The following CDH4 variants were observed in gnomAD, a reference collection of about 807,000 sequenced individuals.
CDH4 encodes cadherin 4, also known as cadherin-4.
Under a neutral mutation model 86.0 loss-of-function variants are expected in CDH4, and 33 were observed. The ratio of observed to expected loss-of-function variants is 0.38; its 90% CI spans 0.29 to 0.51. The LOEUF (loss-of-function observed/expected upper bound fraction) is 0.51, where lower values mean the gene tolerates loss of function less well. Among genes scored for constraint, CDH4 ranks in the 20% least tolerant of loss-of-function variants. The probability of loss-of-function intolerance (pLI) is 0.86; values close to 1 mark genes in which losing one functional copy is unlikely to be tolerated. For missense variants in CDH4, 1,114 were observed against 1,307.4 expected, an observed-to-expected ratio of 0.85 and a Z score of 2.28; for synonymous variants, 555 against 549.4, an observed-to-expected ratio of 1.01 and a Z score of -0.14.
intron 2 of CDH4, among the ~76,000 whole-genome samples, chr20:61,597,971 T>C (rs2086568969): frequency 6.6e-6 from 1 of 152,216 alleles, no homozygotes; most frequent in Non-Finnish European, 1.5e-5. Context: ...TAAACACTTA[T>C]TCATTTTGTA....
At chr20:61,519,796 C>T (rs1468954571) in intron 2 of CDH4, among the ~76,000 whole-genome samples, 1 of 152,228 alleles carries the variant, frequency 6.6e-6, no homozygotes, top group Non-Finnish European at 1.5e-5. Flanking sequence ...ATCCCCATTA[C>T]CACGTGGAGG....
At chr20:61,759,363 A>C (rs1293451994) in intron 3 of CDH4, among the ~76,000 whole-genome samples, 1 of 152,228 alleles carries the variant, frequency 6.6e-6, no homozygotes, top group African/African-American at 2.4e-5. Context: ...AAAGATTCCC[A>C]GCAAGAACAG....
intron 2 of CDH4, among the ~76,000 whole-genome samples, chr20:61,638,040 A>AAAAAAAAAG (rs2086966827): frequency 6.6e-6 from 1 of 151,846 alleles, no homozygotes; most frequent in African/African-American, 2.4e-5. Context: ...TAAAAAAAAA[A>AAAAAAAAAG]TGAAGAGAGG....
At chr20:61,574,375 C>G (rs558023079) in intron 2 of CDH4, among the ~76,000 whole-genome samples, 1 of 152,340 alleles carries the variant, frequency 6.6e-6, no homozygotes, top group South Asian at 2.1e-4. Context: ...TGGACGTAGG[C>G]ATCTCACTGC....
At position 61,576,586 on chromosome 20, in the gene CDH4, ACT is replaced by A. The variant is rs1292647379; in HGVS notation, c.170-166972_170-166971del. The stretch of plus-strand genomic sequence containing the variant: ...GAGGCAGACATCACTAATCGATCCC[ACT>A]CTCTTCTATCCCTCACGTGAGGCAG... On this transcript the variant is annotated intron_variant, in intron 2 of 15. Transcript: ENST00000614565. 2.6e-5 allele frequency among the ~76,000 whole-genome samples: 4 copies of A among 151,460 alleles called. No individual in the cohort carries two copies. In the East Asian group the frequency reaches 5.8e-4, roughly 22 times the overall value.
At chr20:61,431,900 C>A (rs958975733) in intron 2 of CDH4, among the ~76,000 whole-genome samples, 2 of 152,108 alleles carry the variant, frequency 1.3e-5, no homozygotes, top group African/African-American at 4.8e-5. Context: ...AGGGAATATA[C>A]TTTTTTGTGC....
intron 2 of CDH4, among the ~76,000 whole-genome samples, chr20:61,603,943 A>G (rs1387621267): frequency 6.6e-6 from 1 of 152,178 alleles, no homozygotes. Flanking sequence ...ATGCATGCAC[A>G]TAGGCACACA....
At chr20:61,525,274 C>T (rs1283457977) in intron 2 of CDH4, among the ~76,000 whole-genome samples, 1 of 152,194 alleles carries the variant, frequency 6.6e-6, no homozygotes, top group African/African-American at 2.4e-5. Flanking sequence ...TTTGGAAGAG[C>T]TTCCCTGGGA....
At chr20:61,299,899 C>T (rs566640642) in intron 2 of CDH4, among the ~76,000 whole-genome samples, 3 of 152,262 alleles carry the variant, frequency 2.0e-5, no homozygotes, top group African/African-American at 4.8e-5. Context: ...GGGGGCATGA[C>T]GCTTACAGGA....
At chr20:61,699,253 G>A (rs1262018413) in intron 2 of CDH4, among the ~76,000 whole-genome samples, 1 of 152,172 alleles carries the variant, frequency 6.6e-6, no homozygotes, top group Non-Finnish European at 1.5e-5. Flanking sequence ...AATGCATTTG[G>A]GGGGATGCTG....
intron 2 of CDH4, among the ~76,000 whole-genome samples, chr20:61,519,867 A>G (rs2085856092): frequency 6.6e-6 from 1 of 152,162 alleles, no homozygotes; most frequent in African/African-American, 2.4e-5. Context: ...ACCGCTGTCT[A>G]GAAGGGCCTC....
intron 7 of CDH4, among the ~76,000 whole-genome samples, chr20:61,875,497 C>T (rs748579413): frequency 5.9e-5 from 9 of 152,216 alleles, no homozygotes; most frequent in Non-Finnish European, 1.2e-4. Flanking sequence ...GCCTTGGACT[C>T]CAAGGATCAG....
chr20:61,698,740 C>A (rs1250866943), intron 2 of CDH4, among the ~76,000 whole-genome samples: 11 of 152,210 alleles, frequency 7.2e-5, no homozygotes, highest in Admixed American at 7.2e-4. Context: ...CAGTAGACCC[C>A]CCCGCAGTGT....
At chr20:61,850,033 G>A (rs4925303) in intron 5 of CDH4, among the ~76,000 whole-genome samples, 67,138 of 152,150 alleles carry the variant, frequency 0.44, 16,994 homozygotes, top group Non-Finnish European at 0.58. Flanking sequence ...GTACGCTGAC[G>A]ACTGTGACAC....
intron 2 of CDH4, among the ~76,000 whole-genome samples, chr20:61,338,472 A>G (rs1478769980): frequency 6.6e-6 from 1 of 152,202 alleles, no homozygotes; most frequent in Non-Finnish European, 1.5e-5. Flanking sequence ...GTTCTCCAGA[A>G]GAATGGGAAT....
chr20:61,832,028 C>T (rs1464585478), intron 4 of CDH4, among the ~76,000 whole-genome samples: 1 of 152,256 alleles, frequency 6.6e-6, no homozygotes, highest in Non-Finnish European at 1.5e-5. Flanking sequence ...GCCCACTCAT[C>T]CTGCAAGTTG....
chr20:61,882,413 T>TA, intron 7 of CDH4, among the ~76,000 whole-genome samples: 1 of 152,364 alleles, frequency 6.6e-6, no homozygotes, highest in Non-Finnish European at 1.5e-5. Flanking sequence ...CAGTTTGTAT[T>TA]AATCTTGTTT....
chr20:61,924,883 G>A (rs2055027619), intron 11 of CDH4, among the ~76,000 whole-genome samples: 1 of 152,208 alleles, frequency 6.6e-6, no homozygotes, highest in Non-Finnish European at 1.5e-5. Context: ...TGAGGCACTG[G>A]AATCAGGTCC....
In CDH4 at chr20:61,663,949, G is replaced by A. The variant is rs920276161; in HGVS notation, c.170-79614G>A. ...GTGACACTGTCCTCTGTCCAGCACC[G>A]GTCCACGTTGAGGTGTCTGTGTGCC... On this transcript the variant is annotated intron_variant, in intron 2 of 15. Coordinates refer to ENST00000614565, the MANE Select transcript of CDH4 (RefSeq NM_001794.5). The surrounding 1 kb of genome is among the most constrained non-coding windows in gnomAD (Gnocchi z 5.0). Among the ~76,000 whole-genome samples, 8 of 152,192 alleles carry A rather than the reference G, an allele frequency of 5.3e-5. No individual in the cohort carries two copies. Among genetic ancestry groups the A allele is most frequent in the Admixed American group, 4.6e-4 (7 of 15,282 alleles).
Sources: allele counts gnomAD v4.1 joint callset (sites outside exome capture counted in the v4.1 genomes callset), GRCh38; gene constraint gnomAD v4.1.1; non-coding constraint Gnocchi (gnomAD v3.1); transcripts MANE v1.5; gene names NCBI Gene and HGNC (gene_info 2026-07-23, HGNC 2026-07-21).